LINC00305: variants seen among roughly 807,000 people sequenced by gnomAD.
LINC00305 encodes long intergenic non-protein coding RNA 305.
At chr18:64,086,614 C>T (rs1039840514) in intron 3 of LINC00305, among the ~76,000 whole-genome samples, 2 of 152,188 alleles carry the variant, frequency 1.3e-5, no homozygotes, top group African/African-American at 4.8e-5. Context: ...TGAGAGTGTG[C>T]ATCTTTCTTT....
chr18:64,083,520 A>T lies in LINC00305; in HGVS notation n.541-3118T>A, dbSNP rs150183986. Among the ~76,000 whole-genome samples the T allele has an allele frequency of 8.5e-3, 1,295 of 152,354 alleles. 17 individuals carry two copies. The highest frequency in any genetic ancestry group is 0.029 in the African/African-American group (1,216 of 41,582). On this transcript the variant is annotated intron_variant and non_coding_transcript_variant, in intron 3 of 3. Transcript: ENST00000666468. ...ACTTTGAGACAAACAGCCAAGAGAA[A>T]AAGTATGTGACAGCACTAATAATCA...
intron 1 of LINC00305, among the ~76,000 whole-genome samples, chr18:64,126,447 C>G (rs371573033): frequency 1.3e-5 from 2 of 151,836 alleles, no homozygotes; most frequent in African/African-American, 4.8e-5. Context: ...TCTCTAAAAT[C>G]GAAATAGGCA....
intron 1 of LINC00305, among the ~76,000 whole-genome samples, chr18:64,125,012 T>C (rs1307931540): frequency 2.0e-5 from 3 of 152,100 alleles, no homozygotes; most frequent in Non-Finnish European, 4.4e-5. Context: ...TAACCATCCA[T>C]CATTTCCATT....
At chr18:64,102,094 A>C (rs2051269687) in intron 1 of LINC00305, among the ~76,000 whole-genome samples, 1 of 152,188 alleles carries the variant, frequency 6.6e-6, no homozygotes, top group Non-Finnish European at 1.5e-5. Flanking sequence ...CGATGCCCCC[A>C]GTGACCGCTG....
chr18:64,141,033 C>T (rs1027503950), intron 1 of LINC00305, among the ~76,000 whole-genome samples: 5 of 128,876 alleles, frequency 3.9e-5, no homozygotes, highest in African/African-American at 8.9e-5. Flanking sequence ...CAAATTCTGC[C>T]GATAATCAGC....
At chr18:64,141,787 G>A (rs1172196071) in intron 1 of LINC00305, among the ~76,000 whole-genome samples, 2 of 152,106 alleles carry the variant, frequency 1.3e-5, no homozygotes, top group African/African-American at 4.8e-5. Flanking sequence ...TTCTCAAAAC[G>A]CTTTGGTATG....
At chr18:64,140,605 G>A (rs192889620) in intron 1 of LINC00305, among the ~76,000 whole-genome samples, 156 of 152,274 alleles carry the variant, frequency 1.0e-3, no homozygotes, top group Admixed American at 4.5e-3. Context: ...TTGAGGACAA[G>A]AGCTTTGTTT....
chr18:64,113,965 A>C (rs571470793), intron 1 of LINC00305, among the ~76,000 whole-genome samples: 1 of 152,226 alleles, frequency 6.6e-6, no homozygotes, highest in Admixed American at 6.5e-5. Flanking sequence ...ATTTATGGGA[A>C]GCACATAAAA....
At chr18:64,131,716 CA>C (rs1250329999) in intron 1 of LINC00305, among the ~76,000 whole-genome samples, 11 of 152,242 alleles carry the variant, frequency 7.2e-5, no homozygotes, top group African/African-American at 2.4e-4. Context: ...TGATTGCTAG[CA>C]AAGTACTAGA....
intron 1 of LINC00305, chr18:64,104,068 T>G (rs1355218696): frequency 6.6e-6 from 1 of 152,242 alleles, no homozygotes; most frequent in African/African-American, 2.4e-5. Context: ...CCTCATAGTG[T>G]TGAGTCTTTT....
chr18:64,088,161 C>T (rs1252607295), intron 3 of LINC00305, among the ~76,000 whole-genome samples: 2 of 151,954 alleles, frequency 1.3e-5, no homozygotes, highest in Non-Finnish European at 2.9e-5. Context: ...AAAAGAAAGT[C>T]AGAGAGAAGC....
At chr18:64,091,621 CT>C (rs2051225221) in intron 3 of LINC00305, among the ~76,000 whole-genome samples, 1 of 152,166 alleles carries the variant, frequency 6.6e-6, no homozygotes, top group African/African-American at 2.4e-5. Flanking sequence ...TTCAAGGCCA[CT>C]CACCTGGAAA....
chr18:64,129,545 C>T (rs1490846662), intron 1 of LINC00305, among the ~76,000 whole-genome samples: 3 of 152,054 alleles, frequency 2.0e-5, no homozygotes, highest in Non-Finnish European at 4.4e-5. Flanking sequence ...TTAGAACTGA[C>T]ATTTCTTATT....
At chr18:64,135,631 G>A (rs561086264) in intron 1 of LINC00305, among the ~76,000 whole-genome samples, 1 of 152,126 alleles carries the variant, frequency 6.6e-6, no homozygotes, top group South Asian at 2.1e-4. Flanking sequence ...TGTTGCCCAG[G>A]CTGGAGTGCA....
intron 3 of LINC00305, among the ~76,000 whole-genome samples, chr18:64,080,918 G>T (rs188873523): frequency 2.0e-5 from 3 of 152,074 alleles, no homozygotes; most frequent in African/African-American, 4.8e-5. Flanking sequence ...AAAAGAAAAA[G>T]AAAACTATTT....
intron 3 of LINC00305, among the ~76,000 whole-genome samples, chr18:64,084,895 C>G (rs1376041627): frequency 3.3e-5 from 5 of 152,210 alleles, no homozygotes; most frequent in Non-Finnish European, 7.3e-5. Context: ...TTCAAAGCTT[C>G]ATCTCTCCTA....
At chr18:64,091,072 C>G (rs960112000) in intron 3 of LINC00305, among the ~76,000 whole-genome samples, 3 of 152,180 alleles carry the variant, frequency 2.0e-5, no homozygotes, top group Admixed American at 6.5e-5. Context: ...TGGTCATTGT[C>G]AACTAAGTGG....
intron 3 of LINC00305, among the ~76,000 whole-genome samples, chr18:64,092,624 G>T (rs2051229330): frequency 6.6e-6 from 1 of 152,162 alleles, no homozygotes; most frequent in African/African-American, 2.4e-5. Flanking sequence ...ATGATGGGAT[G>T]TTTTCCTTTC....
chr18:64,128,773 G>A (rs146149047), intron 1 of LINC00305, among the ~76,000 whole-genome samples: 12 of 152,044 alleles, frequency 7.9e-5, no homozygotes, highest in Admixed American at 1.3e-4. Context: ...ACTCCCTTCC[G>A]GTCAAAGAAC....
Sources: allele counts gnomAD v4.1 joint callset (sites outside exome capture counted in the v4.1 genomes callset), GRCh38; gene constraint gnomAD v4.1.1; transcripts MANE v1.5; gene names NCBI Gene and HGNC (gene_info 2026-07-23, HGNC 2026-07-21).